Variants in HCLS1 observed in about 807,000 individuals in gnomAD.
HCLS1 encodes hematopoietic lineage cell-specific protein.
In HCLS1, 44 loss-of-function variants were observed where a neutral mutation model predicts 68.6. The ratio of observed to expected loss-of-function variants is 0.64; its 90% CI spans 0.50 to 0.82. The LOEUF (loss-of-function observed/expected upper bound fraction) is 0.82. Among genes scored for constraint, HCLS1 ranks in the 40% least tolerant of loss-of-function variants. The pLI, the probability that HCLS1 is intolerant of heterozygous loss-of-function variation, is 0.00. For missense variants in HCLS1, 602 were observed against 612.1 expected (o/e 0.98, Z 0.17); for synonymous variants, 217 against 225.8 (o/e 0.96, Z 0.35).
At chr3:121,650,553 C>G (rs1174189703) in intron 3 of HCLS1, among the ~76,000 whole-genome samples, 1 of 152,042 alleles carries the variant, frequency 6.6e-6, no homozygotes, top group Non-Finnish European at 1.5e-5. Flanking sequence ...TCAATGGGAA[C>G]AGAATACTCT....
At chr3:121,658,055 C>T (rs1351315461) in intron 2 of HCLS1, 4 of 541,114 alleles carry the variant, frequency 7.4e-6, no homozygotes, top group Non-Finnish European at 1.3e-5. Context: ...GTCAAACTCA[C>T]CCACACCTGT....
chr3:121,635,778 C>T lies in HCLS1; in HGVS notation c.648G>A (p.Glu216=), dbSNP rs753473025. ...TCTTCTTATAAGCTGTGGTCGGGGCCTCCATTTCATTGAAGCCGACAGCGC... is the reference window on the plus strand; with the variant it reads ...TCTTCTTATAAGCTGTGGTCGGGGCTTCCATTTCATTGAAGCCGACAGCGC... ...DKSAVGFNEM[E]APTTAYKKTT... The change falls in exon 9 of 14, where the codon GAG becomes GAA. Residue 216 remains glutamate (E), a synonymous_variant. Coordinates refer to ENST00000314583, the MANE Select transcript of HCLS1 (RefSeq NM_005335.6). 2 of 1,614,054 alleles carry T rather than the reference C, an allele frequency of 1.2e-6. No homozygotes were observed. The highest frequency in any genetic ancestry group is 1.1e-5 in the South Asian group (1 of 91,078).
chr3:121,632,562 T>A lies in HCLS1; in HGVS notation c.1010A>T (p.Asp337Val). Residue 337 changes from aspartate (D) to valine (V), a missense_variant and splice_region_variant, in exon 12 of 14, where the codon GAC becomes GTC. By Grantham distance (152) the Asp-to-Val change is radical. Transcript: ENST00000314583. The part of the protein sequence containing the change: ...LLPIRQTLPE[D>V]NEEPPALPPR... ...GGGCAGAGCTGGGGGCTCCTCATTG[T>A]CCTGAGAAGAGACAGTGTGGAGCAC... The A allele has an allele frequency of 6.2e-7, 1 of 1,611,368 alleles. No individual in the cohort carries two copies. Among genetic ancestry groups the A allele is most frequent in the Non-Finnish European group, 8.5e-7 (1 of 1,179,768 alleles).
chr3:121,641,934 G>C (rs992027902), intron 6 of HCLS1, among the ~76,000 whole-genome samples: 3 of 149,694 alleles, frequency 2.0e-5, no homozygotes, highest in Non-Finnish European at 3.0e-5. Context: ...ACAAAAATTA[G>C]CCCGGCGTAG....
intron 3 of HCLS1, among the ~76,000 whole-genome samples, chr3:121,650,886 T>G (rs1305277675): frequency 6.6e-6 from 1 of 152,084 alleles, no homozygotes; most frequent in Non-Finnish European, 1.5e-5. Flanking sequence ...GCCTGTAATC[T>G]CAGCACTTTG....
At chr3:121,642,452 G>A (rs917675452) in intron 6 of HCLS1, among the ~76,000 whole-genome samples, 1 of 152,002 alleles carries the variant, frequency 6.6e-6, no homozygotes, top group Non-Finnish European at 1.5e-5. Context: ...CTGGGTGACA[G>A]AGCGAGACTC....
intron 3 of HCLS1, among the ~76,000 whole-genome samples, chr3:121,651,086 G>A: frequency 6.6e-6 from 1 of 152,202 alleles, no homozygotes; most frequent in East Asian, 1.9e-4. Flanking sequence ...AGTGAGCTGA[G>A]ATCATGTCAC....
Position 121,657,344 on chromosome 3 carries a change from G to A in HCLS1, c.93C>T (p.Ile31=). 1 of 1,613,996 alleles carries A rather than the reference G, an allele frequency of 6.2e-7. No homozygotes were observed. Among genetic ancestry groups the A allele is most frequent in the South Asian group, 1.1e-5 (1 of 91,078 alleles). The change falls in exon 3 of 14, where the codon ATC becomes ATT. Residue 31 remains isoleucine, a synonymous_variant. Coordinates refer to ENST00000314583, the MANE Select transcript of HCLS1 (RefSeq NM_005335.6). The part of the protein sequence containing the change: ...WDTDPDFVND[I]SEKEQRWGAK... ...CTCCCCATCGTTGCTCCTTTTCAGA[G>A]ATGTCATTCTGCAAACGACAGCACG...
intron 3 of HCLS1, among the ~76,000 whole-genome samples, chr3:121,650,092 C>T (rs1475432130): frequency 6.6e-6 from 1 of 152,110 alleles, no homozygotes; most frequent in Non-Finnish European, 1.5e-5. Context: ...CATGAAATAA[C>T]ATGAAACATT....
intron 4 of HCLS1, among the ~76,000 whole-genome samples, chr3:121,646,371 TTATTACTATGTAATA>T (rs546867872): frequency 0.11 from 7,114 of 63,286 alleles, 460 homozygotes; most frequent in Admixed American, 0.32. Context: ...ATATTACATA[TTATTACTATGTAATA>T]TATTACTATG....
intron 5 of HCLS1, chr3:121,644,386 C>T: frequency 3.3e-6 from 1 of 304,574 alleles, no homozygotes; most frequent in Non-Finnish European, 6.6e-6. Flanking sequence ...AAATAGTAAC[C>T]CTAATTAGTT....
intron 6 of HCLS1, among the ~76,000 whole-genome samples, chr3:121,640,753 T>C (rs2049188994): frequency 7.5e-6 from 1 of 133,632 alleles, no homozygotes; most frequent in Non-Finnish European, 1.6e-5. Context: ...AATAAGACTT[T>C]ATCTAAAAAA....
rs200847413 is a variant in HCLS1, at chr3:121,632,120, A to G, written c.1305T>C (p.Ala435=). 1.9e-4 allele frequency: 306 copies of G among 1,613,664 alleles called. 4 individuals carry two copies. The East Asian group carries it at 6.8e-3, about 36-fold the overall frequency. The change falls in exon 13 of 14, where the codon GCT becomes GCC. Residue 435 remains alanine, a synonymous_variant. Transcript: ENST00000314583. ...GAVALGISAV[A]VYDYQGEGSD... ...ACCTACCTCCTTGGTAATCATATAC[A>G]GCCACAGCTGAGATCCCCAGAGCCA...
Position 121,633,186 on chromosome 3 carries a change from G to T in HCLS1, c.904-15C>A. ...GGAGGCCAGGCCTGTGGAAAATGAA[G>T]CATCTCTCAAGTAAGCAAGCCTCCA... On this transcript the variant is annotated splice_polypyrimidine_tract_variant and intron_variant, in intron 10 of 13. Transcript: ENST00000314583. 1 of 1,534,658 alleles carries T rather than the reference G, an allele frequency of 6.5e-7. No individual in the cohort carries two copies. The highest frequency in any genetic ancestry group is 1.4e-5 in the African/African-American group (1 of 72,726).
At chr3:121,647,217 A>C (rs1481739241) in intron 4 of HCLS1, 102 bp downstream of exon 4, 1 of 1,166,174 alleles carries the variant, frequency 8.6e-7, no homozygotes, top group Non-Finnish European at 1.2e-6. Context: ...TCCTAACCTC[A>C]TGATCCACCC....
chr3:121,657,416 C>T, intron 2 of HCLS1, 64 bp from the exon 3 acceptor site: 1 of 1,428,876 alleles, frequency 7.0e-7, no homozygotes, highest in South Asian at 1.2e-5. Flanking sequence ...GAAGGGCCAC[C>T]CAACTGACAC....
chr3:121,634,602 G>A (rs1022463809), intron 9 of HCLS1, among the ~76,000 whole-genome samples, 184 bp from the exon 10 acceptor site: 1 of 152,080 alleles, frequency 6.6e-6, no homozygotes, highest in Admixed American at 6.5e-5. Context: ...CCTGAAGCCT[G>A]GATTTTTATA....
intron 6 of HCLS1, among the ~76,000 whole-genome samples, chr3:121,640,808 AGGGG>A: frequency 5.1e-4 from 9 of 17,652 alleles, no homozygotes; most frequent in East Asian, 4.5e-3. Flanking sequence ...AGGGGAGGGG[AGGGG>A]AGGGCAGGGG....
At chr3:121,657,020 A>C in intron 3 of HCLS1, 1 of 366,734 alleles carries the variant, frequency 2.7e-6, no homozygotes. Flanking sequence ...CAATAGACCC[A>C]CTTGGGGAAA....
Sources: gnomAD v4.1 joint callset for allele counts (sites outside exome capture counted in the v4.1 genomes callset) on GRCh38, gnomAD v4.1.1 for gene constraint, MANE v1.5 for transcripts, NCBI Gene and HGNC (gene_info 2026-07-23, HGNC 2026-07-21) for gene names.